Variants in CTNND2 observed in about 807,000 individuals in gnomAD.
CTNND2 encodes catenin delta-2.
A neutral mutation model predicts 144.4 loss-of-function variants in CTNND2; 22 were observed. That is an observed-to-expected ratio of 0.15 (90% CI 0.11 to 0.22). CTNND2 has a LOEUF of 0.22. Ranked by LOEUF, CTNND2 falls within the 10% of genes least tolerant of loss-of-function variation. The probability of loss-of-function intolerance (pLI) is 1.00; values close to 1 mark genes in which losing one functional copy is unlikely to be tolerated. For missense variants in CTNND2, 1,353 were observed against 1,618.8 expected (o/e 0.84, Z 2.82); for synonymous variants, 751 against 695.6 (o/e 1.08, Z -1.25).
intron 15 of CTNND2, among the ~76,000 whole-genome samples, chr5:11,097,393 A>C (rs1391987279): frequency 3.3e-5 from 5 of 152,144 alleles, no homozygotes; most frequent in Non-Finnish European, 5.9e-5. Context: ...AGGGCTGTCT[A>C]TGGGCAGGGT....
At chr5:11,734,000 G>A (rs1435264357) in intron 1 of CTNND2, among the ~76,000 whole-genome samples, 4 of 152,080 alleles carry the variant, frequency 2.6e-5, no homozygotes, top group Non-Finnish European at 4.4e-5. Flanking sequence ...CTCATAAATA[G>A]GATGAGTCCT....
At chr5:11,510,759 C>T (rs1254432015) in intron 3 of CTNND2, among the ~76,000 whole-genome samples, 3 of 151,984 alleles carry the variant, frequency 2.0e-5, no homozygotes, top group Non-Finnish European at 2.9e-5. Flanking sequence ...GGTGAAACCC[C>T]GTCTCTACAA....
intron 12 of CTNND2, among the ~76,000 whole-genome samples, chr5:11,145,600 T>C (rs1230121650): frequency 6.6e-6 from 1 of 152,102 alleles, no homozygotes; most frequent in Non-Finnish European, 1.5e-5. Context: ...GCCAGTGCTA[T>C]CATGGGTCCT....
At chr5:11,235,643 C>G (rs1372197979) in intron 10 of CTNND2, among the ~76,000 whole-genome samples, 1 of 152,142 alleles carries the variant, frequency 6.6e-6, no homozygotes, top group Non-Finnish European at 1.5e-5. Flanking sequence ...CTGTGACAAC[C>G]AAAGATGTCT....
intron 9 of CTNND2, among the ~76,000 whole-genome samples, chr5:11,311,588 C>T (rs1750869629): frequency 6.8e-6 from 1 of 147,666 alleles, no homozygotes; most frequent in African/African-American, 2.5e-5. Context: ...TCAACCCACA[C>T]ATACATACTC....
At chr5:11,304,446 T>G (rs1749967163) in intron 9 of CTNND2, among the ~76,000 whole-genome samples, 1 of 152,040 alleles carries the variant, frequency 6.6e-6, no homozygotes. Context: ...CACTACTTCC[T>G]CCCTCAATGG....
At chr5:11,865,609 A>T (rs1321645550) in intron 1 of CTNND2, among the ~76,000 whole-genome samples, 5 of 152,160 alleles carry the variant, frequency 3.3e-5, no homozygotes, top group Admixed American at 3.3e-4. Context: ...CCAAATGCAT[A>T]CATGTTCTAA....
At chr5:11,852,030 A>G (rs543456858) in intron 1 of CTNND2, among the ~76,000 whole-genome samples, 1 of 152,284 alleles carries the variant, frequency 6.6e-6, no homozygotes, top group South Asian at 2.1e-4. Flanking sequence ...ACACATTTAC[A>G]ATTAACTTAC....
At chr5:11,429,704 A>G (rs941364876) in intron 3 of CTNND2, among the ~76,000 whole-genome samples, 2 of 152,296 alleles carry the variant, frequency 1.3e-5, no homozygotes, top group South Asian at 2.1e-4. Flanking sequence ...CCGAAAATGC[A>G]CCACAGAAGA....
intron 3 of CTNND2, among the ~76,000 whole-genome samples, chr5:11,518,302 AATG>A (rs1001718711): frequency 1.2e-4 from 3 of 24,762 alleles, no homozygotes; most frequent in African/African-American, 8.5e-4. Context: ...CTTATAGAAT[AATG>A]ATAGAAATAT....
chr5:11,402,787 A>G (rs1760746822), intron 5 of CTNND2, among the ~76,000 whole-genome samples: 1 of 152,204 alleles, frequency 6.6e-6, no homozygotes, highest in Admixed American at 6.5e-5. Flanking sequence ...ATCATTTCTA[A>G]GCCTCTGTCT....
At position 11,023,081 on chromosome 5, in the gene CTNND2, T is replaced by C. The variant is rs934023635; in HGVS notation, c.2789-102A>G. On this transcript the variant is annotated intron_variant, in intron 16 of 21. Coordinates refer to ENST00000304623, the MANE Select transcript of CTNND2 (RefSeq NM_001332.4). ...GGAGAAGAGAATACGAGAGGCCACGTTTATGCAAAATTGTTTGTTTCCCAT... is the reference window on the plus strand; with the variant it reads ...GGAGAAGAGAATACGAGAGGCCACGCTTATGCAAAATTGTTTGTTTCCCAT... 3.3e-5 allele frequency: 33 copies of C among 985,444 alleles called. No homozygotes were observed. In the African/African-American group the frequency reaches 5.1e-4, roughly 15 times the overall value. The allele number at this position is 985,444 out of a possible 1,614,324, so 61.0% of individuals were successfully genotyped here. A position where few individuals can be genotyped will look rare whatever the true frequency, so the allele number is the denominator to read the frequency against.
chr5:11,163,037 C>T (rs1758953567), intron 11 of CTNND2, among the ~76,000 whole-genome samples: 1 of 152,132 alleles, frequency 6.6e-6, no homozygotes, highest in African/African-American at 2.4e-5. Context: ...TTACTTCACT[C>T]CTCCCTCCCC....
intron 2 of CTNND2, among the ~76,000 whole-genome samples, chr5:11,578,295 T>C (rs901352570): frequency 6.6e-6 from 1 of 152,220 alleles, no homozygotes; most frequent in Non-Finnish European, 1.5e-5. Flanking sequence ...AACAGCCATA[T>C]TGTTACTCTA....
intron 3 of CTNND2, among the ~76,000 whole-genome samples, chr5:11,550,312 G>C (rs774535894): frequency 2.0e-5 from 3 of 152,164 alleles, no homozygotes; most frequent in Non-Finnish European, 4.4e-5. Context: ...CCTTAAATTA[G>C]AGCTTCAGAA....
At chr5:11,476,113 C>T (rs558554703) in intron 3 of CTNND2, among the ~76,000 whole-genome samples, 19 of 151,692 alleles carry the variant, frequency 1.3e-4, no homozygotes, top group Admixed American at 3.3e-4. Flanking sequence ...TCAAGTTATC[C>T]GCCCACCTCG....
intron 2 of CTNND2, among the ~76,000 whole-genome samples, chr5:11,602,591 GA>G (rs1283547667): frequency 6.7e-6 from 1 of 149,922 alleles, no homozygotes; most frequent in South Asian, 2.1e-4. Flanking sequence ...ATTCATGTTC[GA>G]AAAAGACAGA....
chr5:11,544,816 T>C (rs1176097789), intron 3 of CTNND2, among the ~76,000 whole-genome samples: 2 of 151,904 alleles, frequency 1.3e-5, no homozygotes, highest in Non-Finnish European at 2.9e-5. Flanking sequence ...AATCTCTGTC[T>C]CCACTAAAAA....
chr5:11,677,862 G>T (rs1319296985), intron 2 of CTNND2, among the ~76,000 whole-genome samples: 7 of 152,120 alleles, frequency 4.6e-5, no homozygotes, highest in African/African-American at 1.4e-4. Context: ...TGTGGCAAAG[G>T]TGATGTGAAT....
Sources: gnomAD v4.1 joint callset for allele counts (sites outside exome capture counted in the v4.1 genomes callset) on GRCh38, gnomAD v4.1.1 for gene constraint, MANE v1.5 for transcripts, NCBI Gene and HGNC (gene_info 2026-07-23, HGNC 2026-07-21) for gene names.